Variants in NAP1L1 observed in about 807,000 individuals in gnomAD.
The protein encoded by NAP1L1 is nucleosome assembly protein 1 like 1, also known as nucleosome assembly protein 1-like 1.
A neutral mutation model predicts 58.9 loss-of-function variants in NAP1L1; 9 were observed. The observed-to-expected ratio is 0.15, with a 90% CI of 0.09 to 0.27. The LOEUF is 0.27. NAP1L1 is among the 10% of genes least tolerant of loss of function. The probability of loss-of-function intolerance (pLI) is 1.00; values close to 1 mark genes in which losing one functional copy is unlikely to be tolerated. For synonymous variants in NAP1L1, 130 were observed against 138.3 expected, an observed-to-expected ratio of 0.94 and a Z score of 0.42; for missense variants, 302 against 458.8, an observed-to-expected ratio of 0.66 and a Z score of 3.12.
In NAP1L1 at chr12:76,046,367, C is replaced by T. The variant is rs1948607586; in HGVS notation, c.*2062G>A. ...TAACAAGACTAGGTATTATCTACACCTTCACTTTGGCAATAGCTATTTCCT... is the reference window on the plus strand; with the variant it reads ...TAACAAGACTAGGTATTATCTACACTTTCACTTTGGCAATAGCTATTTCCT... On this transcript the variant is annotated 3_prime_UTR_variant, in exon 15 of 15. Transcript: ENST00000618691. 1 of 152,192 alleles carries T rather than the reference C, an allele frequency of 6.6e-6. No homozygotes were observed. The highest frequency in any genetic ancestry group is 2.1e-4 in the South Asian group (1 of 4,822). The allele number at this position is 152,192 out of a possible 1,614,324, so 9.4% of individuals were successfully genotyped here.
In NAP1L1 at chr12:76,044,937, G is replaced by T. The variant is rs1046117088; in HGVS notation, c.*3492C>A. 6 of 151,976 alleles carry T rather than the reference G, an allele frequency of 3.9e-5. No individual in the cohort carries two copies. Among genetic ancestry groups the T allele is most frequent in the African/African-American group, 1.5e-4 (6 of 41,374 alleles). The allele number at this position is 151,976 out of a possible 1,614,324, so 9.4% of individuals were successfully genotyped here. On this transcript the variant is annotated 3_prime_UTR_variant, in exon 15 of 15. Transcript: ENST00000618691. ...TTTTAATATCTGGAGTTTTAATCCA[G>T]CATACAAAAATCACCAGTATACATC...
Position 76,076,156 on chromosome 12 carries a change from T to C in NAP1L1, c.-20-1917A>G, listed in dbSNP as rs577972917. 7.0e-4 allele frequency among the ~76,000 whole-genome samples: 107 copies of C among 152,318 alleles called. 4 individuals carry two copies. Among genetic ancestry groups the C allele is most frequent in the Admixed American group, 6.5e-4 (10 of 15,294 alleles). ...CTCTGAACAAGTCCTGCACATCCTT[T>C]GGCTCTCATTTCAAAGTTTCACTCC... is the stretch of plus-strand genomic sequence containing the variant. On this transcript the variant is annotated intron_variant, in intron 1 of 14. Transcript: ENST00000618691.
chr12:76,076,552 ATATATATATATATATATAT>A (rs1950182791), intron 1 of NAP1L1, among the ~76,000 whole-genome samples: 2 of 4,678 alleles, frequency 4.3e-4, no homozygotes, highest in Non-Finnish European at 9.4e-4. Flanking sequence ...ATATGGAAAT[ATATATATATATATATATAT>A]ATATATATAT....
intron 6 of NAP1L1, chr12:76,058,215 ATATATATATGTAT>A: frequency 2.2e-5 from 4 of 182,200 alleles, no homozygotes; most frequent in Admixed American, 7.1e-5. Flanking sequence ...ATATATATAT[ATATATATATGTAT>A]TCTACAGTAA....
In NAP1L1 at chr12:76,060,191, C is replaced by T. The variant is rs1489731631; in HGVS notation, c.295G>A (p.Val99Ile). The T allele has an allele frequency of 6.2e-7, 1 of 1,613,326 alleles. No homozygotes were observed. The highest frequency in any genetic ancestry group is 1.7e-5 in the Admixed American group (1 of 60,000). ...GCATACTTCCTTTCAAGATCGTGAACTTCCTCATAGAATTTGGCTTCTATC... is the reference window on the plus strand; with the variant it reads ...GCATACTTCCTTTCAAGATCGTGAATTTCCTCATAGAATTTGGCTTCTATC... ...AQIEAKFYEE[V>I]HDLERKYAVL... Residue 99 changes from valine (V) to isoleucine (I), a missense_variant, in exon 5 of 15, where the codon GTT (valine) becomes ATT (isoleucine). Coordinates refer to ENST00000618691, the MANE Select transcript of NAP1L1 (RefSeq NM_004537.7).
chr12:76,071,853 T>C (rs1949966005), intron 2 of NAP1L1, among the ~76,000 whole-genome samples: 1 of 151,854 alleles, frequency 6.6e-6, no homozygotes, highest in African/African-American at 2.4e-5. Context: ...GATATAGGAC[T>C]ATGTACACAT....
chr12:76,058,219 ATATATGTATTC>A, intron 6 of NAP1L1: 1 of 172,552 alleles, frequency 5.8e-6, no homozygotes. Flanking sequence ...ATATATATAT[ATATATGTATTC>A]TACAGTAAAA....
Position 76,037,890 on chromosome 12 carries a change from T to TA in NAP1L1, c.*10538dup, listed in dbSNP as rs1871087563. Reference sequence around the variant, plus strand: ...TAACGGAGAGCTGATTGACAGCACTTAAACTGAGGGGAAATGACTAATGTT... The same window carrying TA: ...TAACGGAGAGCTGATTGACAGCACTTAAAACTGAGGGGAAATGACTAATGTT... On this transcript the variant is annotated 3_prime_UTR_variant, in exon 15 of 15. Coordinates refer to ENST00000618691, the MANE Select transcript of NAP1L1 (RefSeq NM_004537.7). 6.6e-6 allele frequency: 1 copy of TA among 152,210 alleles called. No homozygotes were observed. The highest frequency in any genetic ancestry group is 1.5e-5 in the Non-Finnish European group (1 of 68,032). 9.4% of individuals were successfully genotyped at this position (152,210 alleles called of 1,614,324 possible).
At position 76,049,242 on chromosome 12, in the gene NAP1L1, T is replaced by C. The variant is rs1948712159; in HGVS notation, c.1098A>G (p.Glu366=). ...GATCATTTTCCTCATCTCCTTCTTC[T>C]TCCCCTTCCTATATTAAAGTTCAAA... is the stretch of plus-strand genomic sequence containing the variant. ...EEGEEADEEG[E]EEGDEENDPD... is the part of the protein sequence containing the mutation. The change falls in exon 14 of 15, where the codon GAA becomes GAG. Residue 366 remains glutamate, a synonymous_variant. Transcript: ENST00000618691. The C allele has an allele frequency of 3.1e-6, 5 of 1,613,604 alleles. No homozygotes were observed. The African/African-American group carries it at 5.3e-5, about 17-fold the overall frequency.
chr12:76,065,280 A>T (rs1949609495), intron 4 of NAP1L1, among the ~76,000 whole-genome samples: 1 of 152,100 alleles, frequency 6.6e-6, no homozygotes, highest in African/African-American at 2.4e-5. Flanking sequence ...AAAAAACAGT[A>T]AATAGGCACT....
intron 8 of NAP1L1, 105 bp from the exon 9 acceptor site, chr12:76,054,014 T>C: frequency 8.9e-7 from 1 of 1,127,450 alleles, no homozygotes; most frequent in East Asian, 3.1e-5. Context: ...AAATGATAAT[T>C]TTTTTTTCTA....
chr12:76,056,321 C>A, intron 6 of NAP1L1, 160 bp from the exon 7 acceptor site: 1 of 662,328 alleles, frequency 1.5e-6, no homozygotes, highest in Non-Finnish European at 2.4e-6. Flanking sequence ...ACCTTAATCC[C>A]ATCAAAATTA....
chr12:76,055,429 G>A (rs917073196), intron 7 of NAP1L1, among the ~76,000 whole-genome samples: 2 of 152,092 alleles, frequency 1.3e-5, no homozygotes, highest in African/African-American at 4.8e-5. Flanking sequence ...CCTTCCTCCT[G>A]GTCGTTCCTT....
In NAP1L1 at chr12:76,055,034, A is replaced by G. The variant is rs144443689; in HGVS notation, c.615T>C (p.Asp205=). 16 of 1,606,922 alleles carry G rather than the reference A, an allele frequency of 1.0e-5. No homozygotes were observed. Among genetic ancestry groups the G allele is most frequent in the Non-Finnish European group, 1.4e-5 (16 of 1,177,394 alleles). ...GTTCTTTTACCATAGGCTGGCCAGCATCTGAGAACTTCACTTTAATATCTT... is the reference window on the plus strand; with the variant it reads ...GTTCTTTTACCATAGGCTGGCCAGCGTCTGAGAACTTCACTTTAATATCTT... The part of the protein sequence containing the change: ...HLKDIKVKFS[D]AGQPMSFVLE... The change falls in exon 8 of 15, where the codon GAT becomes GAC. Residue 205 remains aspartate, a synonymous_variant. Coordinates refer to ENST00000618691, the MANE Select transcript of NAP1L1 (RefSeq NM_004537.7).
At position 76,041,423 on chromosome 12, in the gene NAP1L1, CA is replaced by C. The variant is rs1430478408; in HGVS notation, c.*7005del. On this transcript the variant is annotated 3_prime_UTR_variant, in exon 15 of 15. Transcript: ENST00000618691. ...ATGTTGAACTAGTAAAACACATGCA[CA>C]AAAGCCCAGTGGCAGAAGTAAAAGA... is the stretch of plus-strand genomic sequence containing the variant. 1 of 152,178 alleles carries C rather than the reference CA, an allele frequency of 6.6e-6. No homozygotes were observed. The highest frequency in any genetic ancestry group is 1.5e-5 in the Non-Finnish European group (1 of 68,080). The allele number at this position is 152,178 out of a possible 1,614,324, so 9.4% of individuals were successfully genotyped here.
At position 76,060,221 on chromosome 12, in the gene NAP1L1, C is replaced by T; in HGVS notation, c.265G>A (p.Ala89Thr). 1 of 1,613,838 alleles carries T rather than the reference C, an allele frequency of 6.2e-7. No homozygotes were observed. Among genetic ancestry groups the T allele is most frequent in the Non-Finnish European group, 8.5e-7 (1 of 1,179,822 alleles). The change falls in exon 5 of 15, where the codon GCA becomes ACA. Residue 89 changes from alanine (A) to threonine (T), a missense_variant. Transcript: ENST00000618691. ...TCATAGAATTTGGCTTCTATCTGTGCACATTTAACTTGCAGGTTTTTGAGA... is the reference window on the plus strand; with the variant it reads ...TCATAGAATTTGGCTTCTATCTGTGTACATTTAACTTGCAGGTTTTTGAGA... ...NALKNLQVKC[A>T]QIEAKFYEEV...
intron 7 of NAP1L1, among the ~76,000 whole-genome samples, chr12:76,055,758 G>C (rs778237805): frequency 6.6e-6 from 1 of 152,138 alleles, no homozygotes; most frequent in Non-Finnish European, 1.5e-5. Context: ...TCCATACTAA[G>C]TATGTAAAGA....
rs986127069 is a variant in NAP1L1, at chr12:76,070,744, G to A, written c.18-1750C>T. Among the ~76,000 whole-genome samples, 5 of 152,102 alleles carry A rather than the reference G, an allele frequency of 3.3e-5. No homozygotes were observed. In the South Asian group the frequency reaches 1.0e-3, roughly 32 times the overall value. On this transcript the variant is annotated intron_variant, in intron 2 of 14. Coordinates refer to ENST00000618691, the MANE Select transcript of NAP1L1 (RefSeq NM_004537.7). ...CAGGAAACCTCCCTACCAAAATCCT[G>A]GGATGTTCAAGTCCCTTATATAAAA... is the stretch of plus-strand genomic sequence containing the variant.
rs1311628351 is a variant in NAP1L1, at chr12:76,042,283, A to C, written c.*6146T>G. On this transcript the variant is annotated 3_prime_UTR_variant, in exon 15 of 15. Coordinates refer to ENST00000618691, the MANE Select transcript of NAP1L1 (RefSeq NM_004537.7). The stretch of plus-strand genomic sequence containing the variant: ...AATTTTAGGTTTTCTTATGTTTAGG[A>C]AGTGCTCATAGGCTCTAAGTACTTT... The C allele has an allele frequency of 6.6e-6, 1 of 152,196 alleles. No homozygotes were observed. Among genetic ancestry groups the C allele is most frequent in the Non-Finnish European group, 1.5e-5 (1 of 68,038 alleles). The allele number at this position is 152,196 out of a possible 1,614,324, so 9.4% of individuals were successfully genotyped here. A position where few individuals can be genotyped will look rare whatever the true frequency, so the allele number is the denominator to read the frequency against.
Sources: gnomAD v4.1 joint callset for allele counts (sites outside exome capture counted in the v4.1 genomes callset) on GRCh38, gnomAD v4.1.1 for gene constraint, MANE v1.5 for transcripts, NCBI Gene and HGNC (gene_info 2026-07-23, HGNC 2026-07-21) for gene names.